SYNRG: variants seen among roughly 807,000 people sequenced by gnomAD.
The protein encoded by SYNRG is synergin gamma, also known as AP1 gamma subunit binding protein 1.
SYNRG carries 37 observed loss-of-function variants against 130.9 expected under a neutral mutation model. That is an observed-to-expected ratio of 0.28 (90% CI 0.22 to 0.37). The LOEUF (loss-of-function observed/expected upper bound fraction) is 0.37. Ranked by LOEUF, SYNRG falls within the 10% of genes least tolerant of loss-of-function variation. The pLI is 1.00. For missense variants in SYNRG, 1,338 were observed against 1,588.9 expected, an observed-to-expected ratio of 0.84 and a Z score of 2.68; for synonymous variants, 539 against 568.1, an observed-to-expected ratio of 0.95 and a Z score of 0.73.
rs973013299 is a variant in SYNRG, at chr17:37,585,184, A to G, written c.477+141T>C. 1.0e-4 allele frequency: 68 copies of G among 659,674 alleles called. No homozygotes were observed. The Admixed American group carries it at 1.3e-3, about 13-fold the overall frequency. 40.9% of individuals were successfully genotyped at this position (659,674 alleles called of 1,614,324 possible). The stretch of plus-strand genomic sequence containing the variant: ...AAAATGAAAAACCCTTCACATTAGT[A>G]ATTAGGTAAACCAAAATGAGAAGAA... On this transcript the variant is annotated intron_variant, in intron 5 of 21. Transcript: ENST00000612223.
intron 13 of SYNRG, among the ~76,000 whole-genome samples, chr17:37,560,667 C>T (rs757660792): frequency 3.4e-5 from 5 of 146,178 alleles, no homozygotes; most frequent in Non-Finnish European, 7.4e-5. Flanking sequence ...AAAACAATAG[C>T]TATTTTTTTT....
At chr17:37,548,818 T>A in intron 14 of SYNRG, among the ~76,000 whole-genome samples, 1 of 131,960 alleles carries the variant, frequency 7.6e-6, no homozygotes. Context: ...AGAGGGAAAC[T>A]CTGTCTTAAA....
chr17:37,540,711 T>C (rs1394771222), intron 15 of SYNRG, 168 bp from the exon 16 acceptor site: 5 of 826,714 alleles, frequency 6.0e-6, no homozygotes, highest in East Asian at 3.0e-5. Flanking sequence ...CTCGGCTCAG[T>C]GCAACCTCCG....
chr17:37,582,739 T>C (rs1050882179), intron 6 of SYNRG, among the ~76,000 whole-genome samples: 3 of 152,022 alleles, frequency 2.0e-5, no homozygotes, highest in African/African-American at 7.2e-5. Context: ...TGCGCATCTG[T>C]AGTCCCGGTT....
chr17:37,520,016 G>A (rs142905022), intron 21 of SYNRG, among the ~76,000 whole-genome samples, 163 bp downstream of exon 21: 5 of 152,252 alleles, frequency 3.3e-5, no homozygotes, highest in Non-Finnish European at 5.9e-5. Flanking sequence ...GACCCACACA[G>A]ACACATTAGG....
In SYNRG at chr17:37,517,504, CAGA is replaced by C. The variant is rs2054519108; in HGVS notation, c.*1433_*1435del. 1 of 151,758 alleles carries C rather than the reference CAGA, an allele frequency of 6.6e-6. No individual in the cohort carries two copies. The allele number at this position is 151,758 out of a possible 1,614,324, so 9.4% of individuals were successfully genotyped here. A position where few individuals can be genotyped will look rare whatever the true frequency, so the allele number is the denominator to read the frequency against. ...GTGCCTCTCTGTGCATTCGGGCACG[CAGA>C]AGGTCAAGCAGAAGCCTCAGCAACA... On this transcript the variant is annotated 3_prime_UTR_variant, in exon 22 of 22. Transcript: ENST00000612223.
intron 4 of SYNRG, among the ~76,000 whole-genome samples, 199 bp from the exon 5 acceptor site, chr17:37,585,629 T>C (rs1472484848): frequency 6.6e-6 from 1 of 152,368 alleles, no homozygotes; most frequent in East Asian, 1.9e-4. Context: ...GTCTAAAGAA[T>C]GATTTACCTA....
rs1350412658 is a variant in SYNRG, at chr17:37,553,881, T to C, written c.1842A>G (p.Leu614=). The change falls in exon 14 of 22, where the codon TTA becomes TTG. Residue 614 remains leucine, a synonymous_variant. Coordinates refer to ENST00000612223, the MANE Select transcript of SYNRG (RefSeq NM_007247.6). Reference sequence around the variant, plus strand: ...CTGAGGAAAACATATCTAGGTCTGCTAAGTTCAGAGGGTTTTTCACTTGTG... The same window carrying C: ...CTGAGGAAAACATATCTAGGTCTGCCAAGTTCAGAGGGTTTTTCACTTGTG... ...QQTQVKNPLN[L]ADLDMFSSVN... The C allele has an allele frequency of 1.2e-6, 2 of 1,609,614 alleles. No homozygotes were observed. The highest frequency in any genetic ancestry group is 1.7e-5 in the Admixed American group (1 of 58,326).
Position 37,541,985 on chromosome 17 carries a change from G to A in SYNRG, c.3189C>T (p.Asp1063=). 6.2e-7 allele frequency: 1 copy of A among 1,613,762 alleles called. No homozygotes were observed. Among genetic ancestry groups the A allele is most frequent in the Non-Finnish European group, 8.5e-7 (1 of 1,179,712 alleles). Reference sequence around the variant, plus strand: ...GAAGCTACTCACCTTGAACAGAAAGGTCAAAGGTTGCCAGCTCACTTTTGA... The same window carrying A: ...GAAGCTACTCACCTTGAACAGAAAGATCAAAGGTTGCCAGCTCACTTTTGA... The part of the protein sequence containing the change: ...EMIKSELATF[D]LSVQGSHKRS... Residue 1063 remains aspartate, a synonymous_variant, in exon 15 of 22, where the codon GAC becomes GAT. Transcript: ENST00000612223.
chr17:37,546,491 T>C (rs1483840922), intron 14 of SYNRG, among the ~76,000 whole-genome samples: 1 of 152,256 alleles, frequency 6.6e-6, no homozygotes, highest in Non-Finnish European at 1.5e-5. Flanking sequence ...TTTTCCATCA[T>C]GGATCTCAAA....
At chr17:37,525,962 T>A (rs2055851721) in intron 19 of SYNRG, among the ~76,000 whole-genome samples, 1 of 152,002 alleles carries the variant, frequency 6.6e-6, no homozygotes, top group Non-Finnish European at 1.5e-5. Context: ...CGAGACTCCG[T>A]CTCAAAAACA....
intron 3 of SYNRG, among the ~76,000 whole-genome samples, chr17:37,594,462 CTTT>C (rs58155320): frequency 8.0e-6 from 1 of 124,524 alleles, no homozygotes; most frequent in Non-Finnish European, 1.7e-5. Flanking sequence ...CTTTCTTCTT[CTTT>C]TTTTTTTTTT....
rs530742795 is a variant in SYNRG, at chr17:37,532,543, C to T, written c.3666+3436G>A. Among the ~76,000 whole-genome samples, 22 of 151,880 alleles carry T rather than the reference C, an allele frequency of 1.4e-4. No individual in the cohort carries two copies. In the South Asian group the frequency reaches 1.5e-3, roughly 10 times the overall value. On this transcript the variant is annotated intron_variant, in intron 19 of 21. Coordinates refer to ENST00000612223, the MANE Select transcript of SYNRG (RefSeq NM_007247.6). ...CAAAAACTAGCTGGGCGTGGTGGCA[C>T]GCACCTGTAATCCCAACTACTTGGG...
chr17:37,542,002 C>G lies in SYNRG; in HGVS notation c.3172G>C (p.Glu1058Gln). Residue 1058 changes from glutamate to glutamine, a missense_variant, in exon 15 of 22, where the codon GAG becomes CAG. Transcript: ENST00000612223. Reference sequence around the variant, plus strand: ...ACAGAAAGGTCAAAGGTTGCCAGCTCACTTTTGATCATTTCTTCACTGGAT... The same window carrying G: ...ACAGAAAGGTCAAAGGTTGCCAGCTGACTTTTGATCATTTCTTCACTGGAT... ...MKSSEEMIKS[E>Q]LATFDLSVQG... 1 of 1,614,130 alleles carries G rather than the reference C, an allele frequency of 6.2e-7. No individual in the cohort carries two copies. Among genetic ancestry groups the G allele is most frequent in the African/African-American group, 1.3e-5 (1 of 75,050 alleles).
At chr17:37,539,091 G>A in intron 17 of SYNRG, 101 bp downstream of exon 17, 1 of 1,554,714 alleles carries the variant, frequency 6.4e-7, no homozygotes. Flanking sequence ...TCCAAGTAAG[G>A]CTCTCCTGAA....
chr17:37,582,871 G>T (rs1158905541), intron 6 of SYNRG, among the ~76,000 whole-genome samples: 2 of 151,942 alleles, frequency 1.3e-5, no homozygotes, highest in Admixed American at 6.6e-5. Flanking sequence ...AAAGTTATAT[G>T]ATCAATATAG....
At chr17:37,584,910 G>A (rs2061581991) in intron 5 of SYNRG, 151 bp from the exon 6 acceptor site, 4 of 600,402 alleles carry the variant, frequency 6.7e-6, no homozygotes, top group Non-Finnish European at 8.6e-6. Context: ...GCAAGACATT[G>A]GTAAATGATT....
At chr17:37,557,080 A>T (rs1185752087) in intron 13 of SYNRG, 1 of 152,224 alleles carries the variant, frequency 6.6e-6, no homozygotes, top group African/African-American at 2.4e-5. Context: ...AAGCTTGTCT[A>T]TCAGAAGGCA....
rs376400218 is a variant in SYNRG, at chr17:37,561,560, C to A, written c.1511G>T (p.Gly504Val). The change falls in exon 12 of 22, where the codon GGA becomes GTA. Residue 504 changes from glycine to valine, a missense_variant. Physicochemically the swap from Gly to Val is moderately radical, Grantham distance 109. Coordinates refer to ENST00000612223, the MANE Select transcript of SYNRG (RefSeq NM_007247.6). ...GTCCATTGAAGGCAATGCTTTAGTT[C>A]CAGGAAGTGGCATCAACAAAGAAGG... ...SAPSLLMPLP[G>V]TKALPSMDKY... The A allele has an allele frequency of 3.1e-6, 5 of 1,612,356 alleles. No homozygotes were observed. In the African/African-American group the frequency reaches 6.7e-5, roughly 22 times the overall value.
Sources: allele counts gnomAD v4.1 joint callset (sites outside exome capture counted in the v4.1 genomes callset), GRCh38; gene constraint gnomAD v4.1.1; transcripts MANE v1.5; gene names NCBI Gene and HGNC (gene_info 2026-07-23, HGNC 2026-07-21).